Variants in CNTN4 observed in about 807,000 individuals in gnomAD.
CNTN4 encodes contactin-4.
Under a neutral mutation model 122.5 loss-of-function variants are expected in CNTN4, and 77 were observed. That is an observed-to-expected ratio of 0.63 (90% confidence interval 0.52 to 0.76). The LOEUF is 0.76. Among genes scored for constraint, CNTN4 ranks in the 30% least tolerant of loss-of-function variants. CNTN4 has a pLI of 0.00. For missense variants in CNTN4, 1,256 were observed against 1,259.1 expected, an observed-to-expected ratio of 1.00 and a Z score of 0.04; for synonymous variants, 512 against 447.0, an observed-to-expected ratio of 1.15 and a Z score of -1.83.
chr3:2,542,890 ATCATGCTTACGTTGTAT>A (rs1170673803), intron 3 of CNTN4, among the ~76,000 whole-genome samples: 1 of 152,206 alleles, frequency 6.6e-6, no homozygotes, highest in East Asian at 1.9e-4. Context: ...AAAACAACTG[ATCATGCTTACGTTGTAT>A]TCATGATGGC....
intron 2 of CNTN4, among the ~76,000 whole-genome samples, chr3:2,309,533 CTT>C (rs1440801281): frequency 6.6e-6 from 1 of 152,198 alleles, no homozygotes; most frequent in African/African-American, 2.4e-5. Flanking sequence ...GTTTGCGACT[CTT>C]GTTTCTTCCC....
intron 6 of CNTN4, among the ~76,000 whole-genome samples, chr3:2,749,217 G>A (rs1160510090): frequency 6.6e-6 from 1 of 152,054 alleles, no homozygotes; most frequent in Non-Finnish European, 1.5e-5. Flanking sequence ...TAGCTGGAGT[G>A]CAGTGGTGCG....
intron 5 of CNTN4, among the ~76,000 whole-genome samples, chr3:2,743,015 A>G (rs1366543246): frequency 6.6e-6 from 1 of 152,156 alleles, no homozygotes; most frequent in Admixed American, 6.5e-5. Context: ...GCAGGCGATA[A>G]AGTAGATTAA....
intron 7 of CNTN4, among the ~76,000 whole-genome samples, chr3:2,836,939 C>G (rs1034613092): frequency 4.6e-5 from 7 of 152,028 alleles, no homozygotes; most frequent in Non-Finnish European, 1.5e-5. Flanking sequence ...CTTCTATAAT[C>G]TGCTTAATGA....
chr3:2,467,083 C>T (rs1320195855), intron 3 of CNTN4, among the ~76,000 whole-genome samples: 4 of 149,126 alleles, frequency 2.7e-5, no homozygotes, highest in African/African-American at 9.9e-5. Context: ...AAAAGTCTTC[C>T]AGTATCGCTA....
chr3:2,978,654 T>C (rs927311447), intron 13 of CNTN4, among the ~76,000 whole-genome samples: 2 of 152,220 alleles, frequency 1.3e-5, no homozygotes, highest in Non-Finnish European at 2.9e-5. Context: ...GGTCTATTAA[T>C]GACAGGCTCG....
chr3:2,534,293 G>T (rs2077712731), intron 3 of CNTN4, among the ~76,000 whole-genome samples: 1 of 152,100 alleles, frequency 6.6e-6, no homozygotes, highest in Non-Finnish European at 1.5e-5. Context: ...TAAGTTGTAA[G>T]GAAGGGATCC....
intron 10 of CNTN4, among the ~76,000 whole-genome samples, chr3:2,890,562 T>C (rs1363816169): frequency 6.6e-6 from 1 of 152,226 alleles, no homozygotes; most frequent in Non-Finnish European, 1.5e-5. Flanking sequence ...TGCTAACTCC[T>C]ATTCAGGGTT....
chr3:2,519,510 T>C (rs902950481), intron 3 of CNTN4, among the ~76,000 whole-genome samples: 5 of 152,168 alleles, frequency 3.3e-5, no homozygotes, highest in African/African-American at 1.2e-4. Flanking sequence ...AAGAAAGTCA[T>C]TCTTGCATTT....
intron 13 of CNTN4, among the ~76,000 whole-genome samples, chr3:2,964,758 ACACAATTATT>A (rs1464653590): frequency 1.3e-5 from 2 of 152,196 alleles, no homozygotes; most frequent in Non-Finnish European, 2.9e-5. Flanking sequence ...CCCTACAAAG[ACACAATTATT>A]CAGGTATAGA....
intron 2 of CNTN4, among the ~76,000 whole-genome samples, chr3:2,210,819 C>G (rs2149438267): frequency 6.6e-6 from 1 of 152,174 alleles, no homozygotes; most frequent in South Asian, 2.1e-4. Flanking sequence ...TCTTTGGAAG[C>G]AAAGGCGTTT....
intron 2 of CNTN4, among the ~76,000 whole-genome samples, chr3:2,245,433 C>T (rs576120356): frequency 6.6e-6 from 1 of 152,086 alleles, no homozygotes; most frequent in East Asian, 1.9e-4. Flanking sequence ...CATAGATTCT[C>T]AGGTGATTGT....
chr3:2,971,590 T>C (rs1276115402), intron 13 of CNTN4, among the ~76,000 whole-genome samples: 1 of 152,164 alleles, frequency 6.6e-6, no homozygotes, highest in Non-Finnish European at 1.5e-5. Flanking sequence ...TCAGTACCAA[T>C]AGATACATTA....
At chr3:2,910,130 C>T (rs546385394) in intron 12 of CNTN4, among the ~76,000 whole-genome samples, 13 of 152,328 alleles carry the variant, frequency 8.5e-5, no homozygotes, top group African/African-American at 2.6e-4. Flanking sequence ...GACAGACTAC[C>T]ATGTGAGGCT....
In CNTN4 at chr3:2,959,121, G is replaced by A. The variant is rs9854989; in HGVS notation, c.1359-29224G>A. ...AGACGGTGCTAAGTAAAATATGTAA[G>A]CACTTAAGGTTAGCTATAAACTATT... On this transcript the variant is annotated intron_variant, in intron 13 of 24. Transcript: ENST00000418658. 8.9e-3 allele frequency among the ~76,000 whole-genome samples: 1,359 copies of A among 152,260 alleles called. 22 individuals carry two copies. The highest frequency in any genetic ancestry group is 0.031 in the African/African-American group (1,286 of 41,534).
Position 2,893,036 on chromosome 3 carries a change from G to A in CNTN4, c.940+5812G>A, listed in dbSNP as rs1189298991. Among the ~76,000 whole-genome samples the A allele has an allele frequency of 2.6e-5, 4 of 152,092 alleles. No individual in the cohort carries two copies. The East Asian group carries it at 5.8e-4, about 22-fold the overall frequency. ...ATCAATCATCCGGATACTCTTTCTT[G>A]CGTTTTCCATTACCAGTGTCACAAA... On this transcript the variant is annotated intron_variant, in intron 10 of 24. Coordinates refer to ENST00000418658, the MANE Select transcript of CNTN4 (RefSeq NM_175607.3).
At chr3:2,604,729 A>G (rs1449331814) in intron 4 of CNTN4, among the ~76,000 whole-genome samples, 1 of 152,172 alleles carries the variant, frequency 6.6e-6, no homozygotes, top group African/African-American at 2.4e-5. Flanking sequence ...AAGAGATACA[A>G]CTTGATGTGT....
At chr3:2,776,844 C>A (rs1270865811) in intron 6 of CNTN4, among the ~76,000 whole-genome samples, 2 of 152,060 alleles carry the variant, frequency 1.3e-5, no homozygotes, top group Admixed American at 6.6e-5. Context: ...ACAGACATAC[C>A]CCCTTCATTC....
At chr3:2,871,763 T>A (rs2093787158) in intron 8 of CNTN4, among the ~76,000 whole-genome samples, 1 of 152,208 alleles carries the variant, frequency 6.6e-6, no homozygotes, top group Non-Finnish European at 1.5e-5. Flanking sequence ...AGACATTTGC[T>A]TCGTTTCTTT....
Sources: gnomAD v4.1 joint callset for allele counts (sites outside exome capture counted in the v4.1 genomes callset) on GRCh38, gnomAD v4.1.1 for gene constraint, MANE v1.5 for transcripts, NCBI Gene and HGNC (gene_info 2026-07-23, HGNC 2026-07-21) for gene names.